ONECUT1: variants seen among roughly 807,000 people sequenced by gnomAD.
The protein encoded by ONECUT1 is hepatocyte nuclear factor 6.
A neutral mutation model predicts 25.6 loss-of-function variants in ONECUT1; 12 were observed. That is an observed-to-expected ratio of 0.47 (90% CI 0.30 to 0.76). ONECUT1 has a LOEUF of 0.76. Ranked by LOEUF, ONECUT1 falls within the 30% of genes least tolerant of loss-of-function variation. ONECUT1 has a pLI of 0.07. For synonymous variants in ONECUT1, 285 were observed against 270.2 expected (o/e 1.05, Z -0.54); for missense variants, 620 against 651.2 (o/e 0.95, Z 0.52).
intron 1 of ONECUT1, among the ~76,000 whole-genome samples, chr15:52,779,116 C>T (rs528093600): frequency 2.0e-3 from 309 of 151,654 alleles, no homozygotes; most frequent in South Asian, 3.8e-3. Flanking sequence ...GCTGGAGTCT[C>T]GCTGTCGCCC....
At position 52,789,920 on chromosome 15, in the gene ONECUT1, G is replaced by GAT. The variant is rs2083909002; in HGVS notation, c.-38_-37dup. 1.8e-5 allele frequency: 27 copies of GAT among 1,495,388 alleles called. No individual in the cohort carries two copies. The East Asian group carries it at 7.2e-4, about 40-fold the overall frequency. The allele number at this position is 1,495,388 out of a possible 1,614,324, so 92.6% of individuals were successfully genotyped here. On this transcript the variant is annotated 5_prime_UTR_variant, in exon 1 of 2. Coordinates refer to ENST00000305901, the MANE Select transcript of ONECUT1 (RefSeq NM_004498.4). The surrounding 1 kb of genome is among the most constrained non-coding windows in gnomAD (Gnocchi z 4.1). ...GCGAGCAGGCGGCGGACACAACATCGATGTGGCCAGGCAGAGGCGGCGAGG... is the reference window on the plus strand; with the variant it reads ...GCGAGCAGGCGGCGGACACAACATCGATATGTGGCCAGGCAGAGGCGGCGAGG...
In ONECUT1 at chr15:52,784,672, G is replaced by T. The variant is rs1596057066; in HGVS notation, c.1105+4108C>A. Reference sequence around the variant, plus strand: ...CTACACCCTCGAGGGGACAGACACCGGCCGTGAGACAGGCACCACGCAGAG... The same window carrying T: ...CTACACCCTCGAGGGGACAGACACCTGCCGTGAGACAGGCACCACGCAGAG... On this transcript the variant is annotated intron_variant, in intron 1 of 1. Transcript: ENST00000305901. The surrounding 1 kb of genome is among the most constrained non-coding windows in gnomAD (Gnocchi z 5.0). Among the ~76,000 whole-genome samples, 1 of 152,224 alleles carries T rather than the reference G, an allele frequency of 6.6e-6. No individual in the cohort carries two copies.
Position 52,757,745 on chromosome 15 carries a change from A to G in ONECUT1, c.1208T>C (p.Ile403Thr). ...TDVQRRTLHA[I>T]FKENKRPSKE... is the part of the protein sequence containing the mutation. Reference sequence around the variant, plus strand: ...GGATGGACGCTTATTTTCCTTGAATATTGCATGTAGAGTTCGACGCTGGAC... The same window carrying G: ...GGATGGACGCTTATTTTCCTTGAATGTTGCATGTAGAGTTCGACGCTGGAC... Residue 403 changes from isoleucine (I) to threonine (T), a missense_variant, in exon 2 of 2, where the codon ATA (isoleucine) becomes ACA (threonine). This residue lies in a region of ONECUT1 where 146 missense variants were observed against 201.8 expected (regional missense o/e 0.72). Coordinates refer to ENST00000305901, the MANE Select transcript of ONECUT1 (RefSeq NM_004498.4). 1 of 1,614,144 alleles carries G rather than the reference A, an allele frequency of 6.2e-7. No homozygotes were observed.
Position 52,788,769 on chromosome 15 carries a change from G to A in ONECUT1, c.1105+11C>T, listed in dbSNP as rs759150685. 6.2e-7 allele frequency: 1 copy of A among 1,600,852 alleles called. No individual in the cohort carries two copies. The highest frequency in any genetic ancestry group is 8.5e-7 in the Non-Finnish European group (1 of 1,172,648). On this transcript the variant is annotated intron_variant, in intron 1 of 1. Transcript: ENST00000305901. The surrounding 1 kb of genome is among the most constrained non-coding windows in gnomAD (Gnocchi z 4.3). ...TTATCTCCCGCGCGCCCAGCTCCTT[G>A]GCCGGCTCACCTGCTAAGCGGAGCG...
Position 52,788,585 on chromosome 15 carries a change from C to A in ONECUT1, c.1105+195G>T. 1 of 613,672 alleles carries A rather than the reference C, an allele frequency of 1.6e-6. No homozygotes were observed. The allele number at this position is 613,672 out of a possible 1,614,324, so 38.0% of individuals were successfully genotyped here. Reference sequence around the variant, plus strand: ...GCTCTCGGAGCCTTCCACAGCCCAACACCCTGAGCCCTGGAGTAGGCAATT... The same window carrying A: ...GCTCTCGGAGCCTTCCACAGCCCAAAACCCTGAGCCCTGGAGTAGGCAATT... On this transcript the variant is annotated intron_variant, in intron 1 of 1. Transcript: ENST00000305901. This position sits in a 1 kb window ranked among gnomAD's most constrained non-coding sequence, Gnocchi z 4.3.
chr15:52,790,183 C>G lies in ONECUT1; in HGVS notation c.-299G>C, dbSNP rs2083911768. Reference sequence around the variant, plus strand: ...AAGAGGATCCGCGCCGTTGGGAGAGCGCAGTGCCCCAGCCCGCCCGCCTCG... The same window carrying G: ...AAGAGGATCCGCGCCGTTGGGAGAGGGCAGTGCCCCAGCCCGCCCGCCTCG... On this transcript the variant is annotated 5_prime_UTR_variant, in exon 1 of 2. Coordinates refer to ENST00000305901, the MANE Select transcript of ONECUT1 (RefSeq NM_004498.4). 6.6e-6 allele frequency among the ~76,000 whole-genome samples: 1 copy of G among 150,708 alleles called. No homozygotes were observed. The highest frequency in any genetic ancestry group is 2.1e-4 in the South Asian group (1 of 4,784).
At chr15:52,780,496 G>A in intron 1 of ONECUT1, 1 of 1,218,664 alleles carries the variant, frequency 8.2e-7, no homozygotes, top group Non-Finnish European at 1.1e-6. Flanking sequence ...TGACAAATAT[G>A]TCTTTGTCTA....
At chr15:52,777,739 A>AAAAAAAAAAAAAC (rs2083812922) in intron 1 of ONECUT1, among the ~76,000 whole-genome samples, 3 of 116,060 alleles carry the variant, frequency 2.6e-5, no homozygotes, top group Admixed American at 7.5e-5. Flanking sequence ...CACACACACA[A>AAAAAAAAAAAAAC]AAAAACATGT....
rs374551730 is a variant in ONECUT1, at chr15:52,789,843, G to C, written c.42C>G (p.His14Gln). 3 of 1,541,348 alleles carry C rather than the reference G, an allele frequency of 1.9e-6. No individual in the cohort carries two copies. The highest frequency in any genetic ancestry group is 2.7e-5 in the East Asian group (1 of 37,592). Residue 14 changes from histidine (H) to glutamine (Q), a missense_variant, in exon 1 of 2, where the codon CAC becomes CAG. By Grantham distance (24) the His-to-Gln change is conservative (BLOSUM62 0). Transcript: ENST00000305901. This position sits in a 1 kb window ranked among gnomAD's most constrained non-coding sequence, Gnocchi z 4.1. ...CGGGCACCGGCTCATGGCTCACCCC[G>C]TGCAGCTCGCCGATCGCTTCCATGG... ...QLTMEAIGEL[H>Q]GVSHEPVPAP...
chr15:52,765,040 G>A (rs533581128), intron 1 of ONECUT1, among the ~76,000 whole-genome samples: 3 of 152,326 alleles, frequency 2.0e-5, no homozygotes, highest in Non-Finnish European at 4.4e-5. Context: ...GCTTGGCCAT[G>A]GCATCCCTGC....
intron 1 of ONECUT1, among the ~76,000 whole-genome samples, chr15:52,763,954 A>G (rs2141448140): frequency 6.6e-6 from 1 of 152,338 alleles, no homozygotes; most frequent in Non-Finnish European, 1.5e-5. Flanking sequence ...AAACAAACCA[A>G]CAAGCTAGTC....
At chr15:52,758,694 A>ATTTTTGCT (rs1596044299) in intron 1 of ONECUT1, among the ~76,000 whole-genome samples, 1 of 152,124 alleles carries the variant, frequency 6.6e-6, no homozygotes, top group African/African-American at 2.4e-5. Flanking sequence ...CTGGTCCTGT[A>ATTTTTGCT]TTATGAAGCT....
Position 52,779,697 on chromosome 15 carries a change from C to T in ONECUT1, c.1105+9083G>A, listed in dbSNP as rs1425466595. On this transcript the variant is annotated intron_variant, in intron 1 of 1. Coordinates refer to ENST00000305901, the MANE Select transcript of ONECUT1 (RefSeq NM_004498.4). ...AATTCATTAAATTTAAAATCATCTT[C>T]CCCTTAGGAGCACTCATAATTAGGC... Among the ~76,000 whole-genome samples, 8 of 152,146 alleles carry T rather than the reference C, an allele frequency of 5.3e-5. No homozygotes were observed. The East Asian group carries it at 1.5e-3, about 29-fold the overall frequency.
At chr15:52,773,594 C>CAT (rs561298847) in intron 1 of ONECUT1, among the ~76,000 whole-genome samples, 79 of 152,234 alleles carry the variant, frequency 5.2e-4, no homozygotes, top group Non-Finnish European at 8.8e-4. Flanking sequence ...GTCTTGGACT[C>CAT]TAACATGTTT....
Position 52,757,596 on chromosome 15 carries a change from C to G in ONECUT1, c.1357G>C (p.Gly453Arg). The stretch of plus-strand genomic sequence containing the variant: ...GTGCTTGATGAAGAAGATGAGTTGC[C>G]TGAATTGGAGCTGCCCTCGTCCTGC... ...KWQDEGSSNS[G>R]NSSSSSSTCT... The change falls in exon 2 of 2, where the codon GGC (glycine) becomes CGC (arginine). Residue 453 changes from glycine (G) to arginine (R), a missense_variant. Coordinates refer to ENST00000305901, the MANE Select transcript of ONECUT1 (RefSeq NM_004498.4). 6.2e-7 allele frequency: 1 copy of G among 1,613,968 alleles called. No homozygotes were observed. Among genetic ancestry groups the G allele is most frequent in the Non-Finnish European group, 8.5e-7 (1 of 1,179,976 alleles).
intron 1 of ONECUT1, chr15:52,780,877 T>C: frequency 7.4e-7 from 1 of 1,345,944 alleles, no homozygotes; most frequent in Non-Finnish European, 9.5e-7. Context: ...CCGTCGATTC[T>C]GAATATCCCG....
chr15:52,787,460 C>T (rs955703593), intron 1 of ONECUT1, among the ~76,000 whole-genome samples: 3 of 152,136 alleles, frequency 2.0e-5, no homozygotes, highest in Non-Finnish European at 4.4e-5. Flanking sequence ...TGATTTTAGA[C>T]TGTGAAACGG....
At position 52,755,878 on chromosome 15, in the gene ONECUT1, C is replaced by T. The variant is rs1194687470; in HGVS notation, c.*1677G>A. Among the ~76,000 whole-genome samples, 1 of 148,844 alleles carries T rather than the reference C, an allele frequency of 6.7e-6. No homozygotes were observed. Among genetic ancestry groups the T allele is most frequent in the Admixed American group, 6.6e-5 (1 of 15,208 alleles). The stretch of plus-strand genomic sequence containing the variant: ...ATTCACTGGGGTACCACTAATACGA[C>T]TTCATTTTTTTTTTGACTTTGACTT... On this transcript the variant is annotated 3_prime_UTR_variant, in exon 2 of 2. Transcript: ENST00000305901.
chr15:52,781,191 C>G (rs1041688826), intron 1 of ONECUT1: 2 of 152,670 alleles, frequency 1.3e-5, no homozygotes, highest in Non-Finnish European at 1.5e-5. Flanking sequence ...ACCGAATGGA[C>G]CAGCCCCACC....
Sources: gnomAD v4.1 joint callset for allele counts (sites outside exome capture counted in the v4.1 genomes callset) on GRCh38, gnomAD v4.1.1 for gene constraint, gnomAD v4.1.1 regional missense constraint, Gnocchi (gnomAD v3.1) non-coding constraint, MANE v1.5 for transcripts, NCBI Gene and HGNC (gene_info 2026-07-23, HGNC 2026-07-21) for gene names.